Variants in C9orf43 observed in about 807,000 individuals in gnomAD.
C9orf43 encodes the protein uncharacterized protein C9orf43.
In C9orf43, 45 loss-of-function variants were observed where a neutral mutation model predicts 59.1. That is an observed-to-expected ratio of 0.76 (90% confidence interval 0.60 to 0.98). The LOEUF (loss-of-function observed/expected upper bound fraction) is 0.98, where lower values mean the gene tolerates loss of function less well. Ranked by LOEUF, C9orf43 falls within the 50% of genes least tolerant of loss-of-function variation. The probability of loss-of-function intolerance (pLI) is 0.00; values close to 1 mark genes in which losing one functional copy is unlikely to be tolerated. For missense variants in C9orf43, 533 were observed against 554.9 expected (o/e 0.96, Z 0.40); for synonymous variants, 203 against 196.8 (o/e 1.03, Z -0.26).
In C9orf43 at chr9:113,429,465, C is replaced by A; in HGVS notation, c.*79C>A. The stretch of plus-strand genomic sequence containing the variant: ...AGCGGGATGGCTGGTATCCTGAGGG[C>A]AGCAACGTTTCACATAAGGGCAAGA... On this transcript the variant is annotated 3_prime_UTR_variant, in exon 14 of 14. Transcript: ENST00000374165. The A allele has an allele frequency of 7.9e-7, 1 of 1,258,680 alleles. No homozygotes were observed. The highest frequency in any genetic ancestry group is 1.3e-5 in the South Asian group (1 of 77,200). 78.0% of individuals were successfully genotyped at this position (1,258,680 alleles called of 1,614,324 possible). A position where few individuals can be genotyped will look rare whatever the true frequency, so the allele number is the denominator to read the frequency against.
intron 3 of C9orf43, among the ~76,000 whole-genome samples, chr9:113,414,621 C>T (rs1023767747): frequency 6.6e-6 from 1 of 152,064 alleles, no homozygotes; most frequent in Non-Finnish European, 1.5e-5. Flanking sequence ...TCCCTCTGTG[C>T]GTCTGTGTCT....
chr9:113,425,512 T>A (rs541306962), intron 10 of C9orf43, 92 bp downstream of exon 10: 562 of 1,498,414 alleles, frequency 3.8e-4, no homozygotes, highest in Non-Finnish European at 5.0e-4. Flanking sequence ...CTCCTTGTTT[T>A]CTATCTGGTT....
intron 3 of C9orf43, among the ~76,000 whole-genome samples, chr9:113,418,087 C>G (rs1039749468): frequency 1.3e-5 from 2 of 151,870 alleles, no homozygotes; most frequent in African/African-American, 4.8e-5. Context: ...AAAAATTGAC[C>G]ATTTTAGCCA....
At chr9:113,429,116 TTTG>T in intron 13 of C9orf43, 53 bp from the exon 14 acceptor site, 1 of 1,560,474 alleles carries the variant, frequency 6.4e-7, no homozygotes, top group Non-Finnish European at 8.8e-7. Context: ...CTGTCCTCCA[TTTG>T]TTGTAGTTGA....
At chr9:113,417,612 C>G (rs528962035) in intron 3 of C9orf43, among the ~76,000 whole-genome samples, 1 of 152,220 alleles carries the variant, frequency 6.6e-6, no homozygotes, top group Non-Finnish European at 1.5e-5. Context: ...GCACTGTCTT[C>G]TGTGTAAGTG....
rs1828913398 is a variant in C9orf43, at chr9:113,429,478, C to T, written c.*92C>T. On this transcript the variant is annotated 3_prime_UTR_variant, in exon 14 of 14. Coordinates refer to ENST00000374165, the MANE Select transcript of C9orf43 (RefSeq NM_001278629.2). ...GTATCCTGAGGGCAGCAACGTTTCA[C>T]ATAAGGGCAAGAGGAGAGGGGCTTC... 2 of 1,073,054 alleles carry T rather than the reference C, an allele frequency of 1.9e-6. No individual in the cohort carries two copies. The highest frequency in any genetic ancestry group is 2.8e-6 in the Non-Finnish European group (2 of 722,018). 66.5% of individuals were successfully genotyped at this position (1,073,054 alleles called of 1,614,324 possible). A position where few individuals can be genotyped will look rare whatever the true frequency, so the allele number is the denominator to read the frequency against.
rs182556172 is a variant in C9orf43, at chr9:113,428,887, C to G, written c.1108-13C>G. The G allele has an allele frequency of 3.6e-5, 58 of 1,607,966 alleles. No homozygotes were observed. The East Asian group carries it at 1.1e-3, about 30-fold the overall frequency. On this transcript the variant is annotated splice_polypyrimidine_tract_variant and intron_variant, in intron 12 of 13. Coordinates refer to ENST00000374165, the MANE Select transcript of C9orf43 (RefSeq NM_001278629.2). ...TCTTGATTCAAATTTCCTTATACCC[C>G]AATGAATTTCAGGATTCCACGGAGA...
rs1406170663 is a variant in C9orf43, at chr9:113,423,407, C to A, written c.565C>A (p.Pro189Thr). ...VGTPGMIVPP[P>T]TPVQLSEQFS... ...AACACCAGGGATGATCGTGCCTCCC[C>A]CAACCCCAGTGCAATTGTCTGAACA... Residue 189 changes from proline (P) to threonine (T), a missense_variant, in exon 7 of 14, where the codon CCA becomes ACA. Pro to Thr is a conservative substitution (Grantham distance 38). Coordinates refer to ENST00000374165, the MANE Select transcript of C9orf43 (RefSeq NM_001278629.2). The A allele has an allele frequency of 1.2e-6, 2 of 1,614,142 alleles. No individual in the cohort carries two copies. The highest frequency in any genetic ancestry group is 2.7e-5 in the African/African-American group (2 of 75,048).
rs765854402 is a variant in C9orf43 at position 113,425,334 on chromosome 9, T to C, written c.866-10T>C. 2 of 1,613,864 alleles carry C rather than the reference T, an allele frequency of 1.2e-6. No homozygotes were observed. The highest frequency in any genetic ancestry group is 1.7e-6 in the Non-Finnish European group (2 of 1,179,978). The stretch of plus-strand genomic sequence containing the variant: ...TTAGAAGAGGATCAAGCTGGCTCTC[T>C]GGTCACCAGGTTACAGGAAACAGCA... On this transcript the variant is annotated splice_polypyrimidine_tract_variant and intron_variant, in intron 9 of 13. Coordinates refer to ENST00000374165, the MANE Select transcript of C9orf43 (RefSeq NM_001278629.2).
chr9:113,419,407 G>A (rs1828488260), intron 4 of C9orf43, among the ~76,000 whole-genome samples: 2 of 152,166 alleles, frequency 1.3e-5, no homozygotes, highest in African/African-American at 4.8e-5. Context: ...GCGTAGGTGA[G>A]AATTTTCTGT....
In C9orf43 at chr9:113,424,190, C is replaced by G. The variant is rs1243862414; in HGVS notation, c.681C>G (p.Thr227=). Residue 227 remains threonine (T), a synonymous_variant, in exon 8 of 14, where the codon ACC becomes ACG. Transcript: ENST00000374165. ...GACTTTTGCCAGGTGGAAAGCAAAC[C>G]ATGCTCTGTCCAGAGATGAAGATAA... is the stretch of plus-strand genomic sequence containing the variant. ...LKELLPGGKQ[T]MLCPEMKIKL... 6 of 1,611,668 alleles carry G rather than the reference C, an allele frequency of 3.7e-6. No homozygotes were observed. The highest frequency in any genetic ancestry group is 2.2e-5 in the East Asian group (1 of 44,840).
Position 113,413,639 on chromosome 9 carries a change from C to G in C9orf43, c.146C>G (p.Ala49Gly). ...TCATCCTGCAAAACTCCCCTGGATG[C>G]TGAAGGTGAATTAGCCAGCTTCTGT... ...LGSSCKTPLD[A>G]EDKLPVLTVV... The change falls in exon 2 of 14, where the codon GCT becomes GGT. Residue 49 changes from alanine (A) to glycine (G), a missense_variant. Ala to Gly is a moderately conservative substitution (Grantham distance 60, BLOSUM62 0). Coordinates refer to ENST00000374165, the MANE Select transcript of C9orf43 (RefSeq NM_001278629.2). 1 of 1,614,070 alleles carries G rather than the reference C, an allele frequency of 6.2e-7. No homozygotes were observed. Among genetic ancestry groups the G allele is most frequent in the Non-Finnish European group, 8.5e-7 (1 of 1,179,904 alleles).
In C9orf43 at chr9:113,422,412, T is replaced by TA. The variant is rs1828611687; in HGVS notation, c.447-136dup. The TA allele has an allele frequency of 1.1e-5, 14 of 1,250,738 alleles. No individual in the cohort carries two copies. In the South Asian group the frequency reaches 1.9e-4, roughly 17 times the overall value. The allele number at this position is 1,250,738 out of a possible 1,614,324, so 77.5% of individuals were successfully genotyped here. On this transcript the variant is annotated intron_variant, in intron 5 of 13. Transcript: ENST00000374165. ...GCTATCTTTGAGTACTGATCAAAGATAGGAATCTTTGTGGTCATCATTCAC... is the reference window on the plus strand; with the variant it reads ...GCTATCTTTGAGTACTGATCAAAGATAAGGAATCTTTGTGGTCATCATTCAC...
chr9:113,414,766 A>G (rs935175588), intron 3 of C9orf43, among the ~76,000 whole-genome samples: 5 of 145,548 alleles, frequency 3.4e-5, no homozygotes, highest in African/African-American at 1.3e-4. Flanking sequence ...TGGGACTTTA[A>G]CGATGAATTT....
chr9:113,421,188 CAG>C lies in C9orf43; in HGVS notation c.435_436del (p.Glu145AspfsTer51), dbSNP rs1564406920. Reference sequence around the variant, plus strand: ...GTTGTATTGTGGATCCCAGAAGAAACAGAGATACATGTGAGGTGAGTATCATA... The same window carrying C: ...GTTGTATTGTGGATCCCAGAAGAAACAGATACATGTGAGGTGAGTATCATA... On this transcript the variant is annotated frameshift_variant, in exon 5 of 14. Transcript: ENST00000374165. LOFTEE classifies it high-confidence loss of function. The C allele has an allele frequency of 4.3e-6, 7 of 1,610,956 alleles. No individual in the cohort carries two copies. Among genetic ancestry groups the C allele is most frequent in the Non-Finnish European group, 5.9e-6 (7 of 1,177,406 alleles).
Position 113,429,384 on chromosome 9 carries a change from TGA to T in C9orf43, c.*1_*2del. ...DEEDQSSGAE* is the reference protein window; with the variant it reads ...DEEDQSSGAEX ...GGAGGACCAGTCCTCTGGGGCAGAG[TGA>T]GAAGCCTCTGGAGGAATAGACTGAA... On this transcript the variant is annotated frameshift_variant and stop_lost, in exon 14 of 14. Coordinates refer to ENST00000374165, the MANE Select transcript of C9orf43 (RefSeq NM_001278629.2). LOFTEE classifies it high-confidence loss of function. The T allele has an allele frequency of 6.2e-7, 1 of 1,613,534 alleles. No individual in the cohort carries two copies. Among genetic ancestry groups the T allele is most frequent in the Non-Finnish European group, 8.5e-7 (1 of 1,179,772 alleles).
In C9orf43 at chr9:113,421,143, C is replaced by T; in HGVS notation, c.386C>T (p.Pro129Leu). ...LNLNETQLPC[P>L]EDVRNMVVLW... The stretch of plus-strand genomic sequence containing the variant: ...TTGAATGAGACGCAACTTCCCTGCC[C>T]TGAAGATGTTAGAAATATGGTTGTA... Residue 129 changes from proline to leucine, a missense_variant, in exon 5 of 14, where the codon CCT becomes CTT. Coordinates refer to ENST00000374165, the MANE Select transcript of C9orf43 (RefSeq NM_001278629.2). The T allele has an allele frequency of 6.2e-7, 1 of 1,613,670 alleles. No individual in the cohort carries two copies. Among genetic ancestry groups the T allele is most frequent in the Non-Finnish European group, 8.5e-7 (1 of 1,179,818 alleles).
At chr9:113,419,807 A>G (rs910212021) in intron 4 of C9orf43, among the ~76,000 whole-genome samples, 2 of 152,354 alleles carry the variant, frequency 1.3e-5, no homozygotes, top group East Asian at 3.9e-4. Context: ...TGAGATGGGT[A>G]GTGATTAGCT....
At chr9:113,411,651 T>A (rs1487925395) in intron 1 of C9orf43, among the ~76,000 whole-genome samples, 1 of 152,110 alleles carries the variant, frequency 6.6e-6, no homozygotes, top group East Asian at 1.9e-4. Context: ...TTCGTAGAAA[T>A]TCTCACTCCC....
Sources: gnomAD v4.1 joint callset for allele counts (sites outside exome capture counted in the v4.1 genomes callset) on GRCh38, gnomAD v4.1.1 for gene constraint, MANE v1.5 for transcripts, NCBI Gene and HGNC (gene_info 2026-07-23, HGNC 2026-07-21) for gene names.